The following SOX5 variants were observed in gnomAD, a reference collection of about 807,000 sequenced individuals.
SOX5 encodes SRY-box transcription factor 5.
In SOX5, 9 loss-of-function variants were observed where a neutral mutation model predicts 92.0. The ratio of observed to expected loss-of-function variants is 0.10; its 90% CI spans 0.06 to 0.17. The LOEUF (loss-of-function observed/expected upper bound fraction) is 0.17. Ranked by LOEUF, SOX5 falls within the 10% of genes least tolerant of loss-of-function variation. SOX5 has a pLI of 1.00. For missense variants in SOX5, 642 were observed against 944.5 expected (o/e 0.68, Z 4.20); for synonymous variants, 344 against 336.3 (o/e 1.02, Z -0.25).
intron 1 of SOX5, among the ~76,000 whole-genome samples, chr12:23,931,815 C>T (rs1941469392): frequency 6.6e-6 from 1 of 151,482 alleles, no homozygotes; most frequent in Non-Finnish European, 1.5e-5. Flanking sequence ...TGAACTCTAA[C>T]AAAATACACT....
chr12:24,481,058 T>G (rs1424532130), intron 1 of SOX5, among the ~76,000 whole-genome samples: 1 of 152,134 alleles, frequency 6.6e-6, no homozygotes, highest in African/African-American at 2.4e-5. Context: ...ATATACACAA[T>G]GAAGTATATT....
intron 1 of SOX5, among the ~76,000 whole-genome samples, chr12:24,420,579 A>T (rs1252717833): frequency 2.6e-5 from 4 of 152,224 alleles, no homozygotes; most frequent in Admixed American, 1.3e-4. Context: ...AACTGGAAAA[A>T]TAAAAAGATA....
intron 10 of SOX5, among the ~76,000 whole-genome samples, chr12:23,573,695 C>T (rs1948714238): frequency 6.6e-6 from 1 of 152,134 alleles, no homozygotes; most frequent in South Asian, 2.1e-4. Context: ...TAATGATTCT[C>T]TTATAAGAAA....
chr12:24,085,755 T>C (rs1317690811), intron 4 of SOX5, among the ~76,000 whole-genome samples: 1 of 151,816 alleles, frequency 6.6e-6, no homozygotes, highest in East Asian at 1.9e-4. Context: ...AGTTCTTCAT[T>C]TTGGAAAGAA....
intron 4 of SOX5, among the ~76,000 whole-genome samples, chr12:23,997,184 G>A (rs2136320496): frequency 6.6e-6 from 1 of 152,198 alleles, no homozygotes; most frequent in African/African-American, 2.4e-5. Flanking sequence ...AAGAGTCTGT[G>A]GCATTGCATC....
At chr12:24,176,999 A>G (rs1166911368) in intron 4 of SOX5, among the ~76,000 whole-genome samples, 3 of 133,306 alleles carry the variant, frequency 2.3e-5, no homozygotes, top group African/African-American at 8.8e-5. Flanking sequence ...TTTTTTTGTC[A>G]TCAATTTAGT....
At chr12:23,988,521 G>A (rs545620518) in intron 4 of SOX5, among the ~76,000 whole-genome samples, 1 of 152,336 alleles carries the variant, frequency 6.6e-6, no homozygotes, top group East Asian at 1.9e-4. Context: ...TCAAGCAAAA[G>A]TATTTGAGAG....
intron 1 of SOX5, among the ~76,000 whole-genome samples, chr12:24,513,222 G>A (rs931001623): frequency 6.6e-6 from 1 of 152,192 alleles, no homozygotes; most frequent in Non-Finnish European, 1.5e-5. Context: ...AGGCTAAGCC[G>A]TGGTGTTCAG....
At chr12:23,540,848 C>G (rs1565649453) in intron 13 of SOX5, among the ~76,000 whole-genome samples, 1 of 152,134 alleles carries the variant, frequency 6.6e-6, no homozygotes, top group Non-Finnish European at 1.5e-5. Flanking sequence ...AATGAATTAG[C>G]GGCATGCTGT....
At chr12:24,392,775 C>A (rs949955532) in intron 1 of SOX5, among the ~76,000 whole-genome samples, 4 of 152,100 alleles carry the variant, frequency 2.6e-5, no homozygotes, top group African/African-American at 9.7e-5. Flanking sequence ...ATAGTAAACA[C>A]TCAAAAAATA....
At chr12:23,953,128 T>C (rs1945871282), upstream of SOX5, among the ~76,000 whole-genome samples, 1 of 152,168 alleles carries the variant, frequency 6.6e-6, no homozygotes, top group East Asian at 1.9e-4. Context: ...TTTCTTTCAT[T>C]TGAATCCTAT....
At chr12:23,673,865 T>C (rs958972690) in intron 6 of SOX5, among the ~76,000 whole-genome samples, 2 of 152,010 alleles carry the variant, frequency 1.3e-5, no homozygotes, top group Admixed American at 6.6e-5. Flanking sequence ...ATTGTGAATA[T>C]ACCAAAAAGC....
chr12:23,590,809 G>C (rs535028775), intron 9 of SOX5, among the ~76,000 whole-genome samples: 3 of 152,038 alleles, frequency 2.0e-5, no homozygotes, highest in South Asian at 2.1e-4. Flanking sequence ...GTCATTACAT[G>C]ATTTTTAAAA....
At chr12:24,333,082 C>A (rs1253089272) in intron 2 of SOX5, among the ~76,000 whole-genome samples, 1 of 151,786 alleles carries the variant, frequency 6.6e-6, no homozygotes, top group Non-Finnish European at 1.5e-5. Flanking sequence ...ACATGGAAAA[C>A]TATAAAAAAA....
chr12:24,398,553 A>T (rs1960655687), intron 1 of SOX5, among the ~76,000 whole-genome samples: 1 of 152,182 alleles, frequency 6.6e-6, no homozygotes, highest in African/African-American at 2.4e-5. Context: ...GAAAACATGC[A>T]ACTACACACA....
chr12:24,044,405 G>A (rs1482616581), intron 4 of SOX5, among the ~76,000 whole-genome samples: 2 of 152,156 alleles, frequency 1.3e-5, no homozygotes, highest in Non-Finnish European at 2.9e-5. Flanking sequence ...TCCGGGAGGG[G>A]CAAGGATTAC....
In SOX5 at chr12:23,642,911, C is replaced by A. The variant is rs976171294; in HGVS notation, c.932-2014G>T. Among the ~76,000 whole-genome samples the A allele has an allele frequency of 2.8e-5, 4 of 141,080 alleles. 1 individual carries two copies. In the East Asian group the frequency reaches 8.8e-4, roughly 31 times the overall value. 92.6% of individuals were successfully genotyped at this position (141,080 alleles called of 152,430 possible). ...GACCATCCCGGCTAAAACGGTGAAA[C>A]CCCGTCTCTACTAAAAATACAAAAA... On this transcript the variant is annotated intron_variant, in intron 7 of 14. Transcript: ENST00000451604.
intron 4 of SOX5, among the ~76,000 whole-genome samples, chr12:24,037,477 A>C (rs998284289): frequency 1.3e-5 from 2 of 152,172 alleles, no homozygotes; most frequent in African/African-American, 4.8e-5. Context: ...ACAGATAAAA[A>C]ATAATAAGAA....
upstream of SOX5, chr12:23,951,131 G>C (rs1945567280): frequency 2.2e-6 from 1 of 456,630 alleles, no homozygotes; most frequent in Non-Finnish European, 4.0e-6. Context: ...GGGCAGGTCA[G>C]TTGATTAGAT....
Sources: gnomAD v4.1 joint callset for allele counts (sites outside exome capture counted in the v4.1 genomes callset) on GRCh38, gnomAD v4.1.1 for gene constraint, MANE v1.5 for transcripts, NCBI Gene and HGNC (gene_info 2026-07-23, HGNC 2026-07-21) for gene names.